Variants in FAM135B observed in about 807,000 individuals in gnomAD.
FAM135B encodes protein FAM135B.
Under a neutral mutation model 127.7 loss-of-function variants are expected in FAM135B, and 43 were observed. The observed-to-expected ratio is 0.34, with a 90% CI of 0.26 to 0.43. FAM135B has a LOEUF of 0.43. Among genes scored for constraint, FAM135B ranks in the 20% least tolerant of loss-of-function variants. The probability of loss-of-function intolerance (pLI) is 1.00; values close to 1 mark genes in which losing one functional copy is unlikely to be tolerated. For missense variants in FAM135B, 1,558 were observed against 1,725.6 expected (o/e 0.90, Z 1.72); for synonymous variants, 670 against 665.1 (o/e 1.01, Z -0.11).
intron 2 of FAM135B, among the ~76,000 whole-genome samples, chr8:138,332,456 A>G (rs1026042244): frequency 3.9e-5 from 6 of 152,148 alleles, no homozygotes; most frequent in African/African-American, 1.4e-4. Context: ...CCATATCCCA[A>G]TTTTCAGAAG....
chr8:138,422,927 T>C (rs955430826), intron 1 of FAM135B, among the ~76,000 whole-genome samples: 1 of 152,186 alleles, frequency 6.6e-6, no homozygotes, highest in Non-Finnish European at 1.5e-5. Flanking sequence ...TGGAATACGA[T>C]GCAATCATAA....
intron 1 of FAM135B, among the ~76,000 whole-genome samples, chr8:138,398,106 G>A (rs1037749490): frequency 7.2e-5 from 11 of 152,144 alleles, no homozygotes; most frequent in Non-Finnish European, 5.9e-5. Context: ...ATCCTGGCTC[G>A]TCTGTTCAAA....
chr8:138,195,161 T>A (rs1034820669), intron 9 of FAM135B, 97 bp downstream of exon 9: 16 of 1,135,786 alleles, frequency 1.4e-5, no homozygotes, highest in Non-Finnish European at 1.6e-5. Context: ...ACAAGTGGTG[T>A]CTTTTCACTT....
chr8:138,307,657 G>A (rs1434475740), intron 3 of FAM135B, among the ~76,000 whole-genome samples: 1 of 150,136 alleles, frequency 6.7e-6, no homozygotes, highest in African/African-American at 2.5e-5. Flanking sequence ...CAAGCACTAT[G>A]CTAGGGGCTT....
intron 3 of FAM135B, among the ~76,000 whole-genome samples, chr8:138,284,282 C>T (rs931192708): frequency 2.0e-5 from 3 of 152,016 alleles, no homozygotes; most frequent in Non-Finnish European, 4.4e-5. Flanking sequence ...TCACCCACCA[C>T]AACCTTGTCC....
intron 1 of FAM135B, among the ~76,000 whole-genome samples, chr8:138,463,168 T>C (rs947011230): frequency 1.3e-5 from 2 of 152,216 alleles, no homozygotes; most frequent in Non-Finnish European, 2.9e-5. Flanking sequence ...CCTTGCTTCA[T>C]CGGGTTCTGT....
intron 2 of FAM135B, among the ~76,000 whole-genome samples, chr8:138,316,322 G>A (rs1827086226): frequency 1.3e-5 from 2 of 151,690 alleles, no homozygotes; most frequent in African/African-American, 2.4e-5. Context: ...GTGAAACCCC[G>A]TCTCTACTAA....
intron 1 of FAM135B, among the ~76,000 whole-genome samples, chr8:138,426,060 T>TAC (rs375950765): frequency 0.49 from 62,197 of 127,950 alleles, 16,691 homozygotes; most frequent in African/African-American, 0.55. Context: ...CATATATATA[T>TAC]ACACACACAC....
chr8:138,190,257 A>G (rs1165730737), intron 9 of FAM135B, among the ~76,000 whole-genome samples: 1 of 152,164 alleles, frequency 6.6e-6, no homozygotes. Flanking sequence ...TAAGCCCCCA[A>G]ACTTACTGAA....
intron 2 of FAM135B, among the ~76,000 whole-genome samples, chr8:138,329,177 T>G (rs1296433686): frequency 6.6e-6 from 1 of 151,938 alleles, no homozygotes; most frequent in African/African-American, 2.4e-5. Flanking sequence ...TACAGATGGA[T>G]GGATGGGCAG....
At chr8:138,282,160 T>C (rs187937351) in intron 3 of FAM135B, among the ~76,000 whole-genome samples, 6 of 152,316 alleles carry the variant, frequency 3.9e-5, no homozygotes, top group Admixed American at 3.9e-4. Context: ...CTACTTCAAA[T>C]TTTATGCTTA....
rs140683728 is a variant in FAM135B at position 138,138,890 on chromosome 8, G to A, written c.3901+96C>T. 7.8e-4 allele frequency: 648 copies of A among 826,778 alleles called. 6 individuals carry two copies. In the East Asian group the frequency reaches 0.01, roughly 13 times the overall value. 51.2% of individuals were successfully genotyped at this position (826,778 alleles called of 1,614,324 possible). On this transcript the variant is annotated intron_variant, in intron 18 of 19. Coordinates refer to ENST00000395297, the MANE Select transcript of FAM135B (RefSeq NM_015912.4). The stretch of plus-strand genomic sequence containing the variant: ...CTGGGCCTCCTGACTAGGCCCTTCT[G>A]TGAGTGAATCAATGTAGCATTATAT...
intron 2 of FAM135B, among the ~76,000 whole-genome samples, chr8:138,338,417 AAAAC>A (rs1393557518): frequency 2.6e-5 from 4 of 152,150 alleles, no homozygotes; most frequent in African/African-American, 9.7e-5. Flanking sequence ...TTACAAGAAA[AAAAC>A]AAACAACCCC....
At chr8:138,406,203 G>A (rs1309215831) in intron 1 of FAM135B, among the ~76,000 whole-genome samples, 1 of 151,952 alleles carries the variant, frequency 6.6e-6, no homozygotes, top group African/African-American at 2.4e-5. Flanking sequence ...TTGCTGTGCA[G>A]AAGCTCTTTA....
intron 1 of FAM135B, among the ~76,000 whole-genome samples, chr8:138,368,210 G>T (rs930482351): frequency 1.3e-5 from 2 of 152,148 alleles, no homozygotes; most frequent in African/African-American, 4.8e-5. Flanking sequence ...ACCTGGAAGG[G>T]CCAGGAGTTA....
At chr8:138,351,070 C>T (rs942079838) in intron 2 of FAM135B, among the ~76,000 whole-genome samples, 1 of 152,164 alleles carries the variant, frequency 6.6e-6, no homozygotes, top group African/African-American at 2.4e-5. Flanking sequence ...CATACAGAAT[C>T]TACCCAAAAT....
At chr8:138,275,977 T>G (rs1320633714) in intron 3 of FAM135B, among the ~76,000 whole-genome samples, 1 of 152,172 alleles carries the variant, frequency 6.6e-6, no homozygotes, top group Non-Finnish European at 1.5e-5. Context: ...AGCTGAATCT[T>G]GGACAGAGCA....
rs554462736 is a variant in FAM135B, at chr8:138,283,416, T to C, written c.158-17574A>G. On this transcript the variant is annotated intron_variant, in intron 3 of 19. Coordinates refer to ENST00000395297, the MANE Select transcript of FAM135B (RefSeq NM_015912.4). ...ATTCTGAAAAAGACAAAACTATGGA[T>C]ACAGTAAAAAAAAAAAATAGTGGTT... 8.5e-4 allele frequency among the ~76,000 whole-genome samples: 59 copies of C among 69,750 alleles called. No individual in the cohort carries two copies. In the South Asian group the frequency reaches 0.033, roughly 39 times the overall value. The allele number at this position is 69,750 out of a possible 152,430, so 45.8% of individuals were successfully genotyped here.
chr8:138,310,688 G>A (rs983456531), intron 3 of FAM135B, among the ~76,000 whole-genome samples, 153 bp downstream of exon 3: 13 of 152,228 alleles, frequency 8.5e-5, no homozygotes, highest in African/African-American at 2.9e-4. Flanking sequence ...ACCTCCAACT[G>A]TTGGTTTCCA....
Sources: gnomAD v4.1 joint callset for allele counts (sites outside exome capture counted in the v4.1 genomes callset) on GRCh38, gnomAD v4.1.1 for gene constraint, MANE v1.5 for transcripts, NCBI Gene and HGNC (gene_info 2026-07-23, HGNC 2026-07-21) for gene names.